Variants in PC observed in about 807,000 individuals in gnomAD.
PC encodes the protein pyruvate carboxylase, mitochondrial.
PC carries 46 observed loss-of-function variants against 107.8 expected under a neutral mutation model. The ratio of observed to expected loss-of-function variants is 0.43; its 90% CI spans 0.34 to 0.55. The LOEUF (loss-of-function observed/expected upper bound fraction) is 0.55. Ranked by LOEUF, PC falls within the 20% of genes least tolerant of loss-of-function variation. The probability of loss-of-function intolerance (pLI) is 0.04; values close to 1 mark genes in which losing one functional copy is unlikely to be tolerated. For missense variants in PC, 1,241 were observed against 1,643.1 expected (o/e 0.76, Z 4.23); for synonymous variants, 662 against 684.7 (o/e 0.97, Z 0.52).
intron 3 of PC, among the ~76,000 whole-genome samples, chr11:66,890,347 G>A (rs1408747831): frequency 6.6e-6 from 1 of 150,686 alleles, no homozygotes; most frequent in Non-Finnish European, 1.5e-5. Context: ...CTATGGTATT[G>A]TGTTATAGCA....
intron 3 of PC, among the ~76,000 whole-genome samples, chr11:66,914,705 G>GC (rs1367338050): frequency 1.3e-5 from 2 of 152,156 alleles, no homozygotes; most frequent in African/African-American, 4.8e-5. Flanking sequence ...AGGCATTTCT[G>GC]CCGTCGCCTC....
Position 66,866,439 on chromosome 11 carries a change from G to A in PC, c.1023-90C>T, listed in dbSNP as rs907151123. The A allele has an allele frequency of 5.2e-6, 5 of 957,398 alleles. No individual in the cohort carries two copies. The highest frequency in any genetic ancestry group is 1.6e-5 in the African/African-American group (1 of 62,236). The allele number at this position is 957,398 out of a possible 1,614,324, so 59.3% of individuals were successfully genotyped here. A position where few individuals can be genotyped will look rare whatever the true frequency, so the allele number is the denominator to read the frequency against. On this transcript the variant is annotated intron_variant, in intron 10 of 22. Transcript: ENST00000393960. The surrounding 1 kb of genome is among the most constrained non-coding windows in gnomAD (Gnocchi z 5.4). The stretch of plus-strand genomic sequence containing the variant: ...GACGAGGGGCACCGCAGCCAGTGGG[G>A]CGTCCACACACAGTGCGACTCCTGC...
intron 3 of PC, among the ~76,000 whole-genome samples, chr11:66,879,991 T>A (rs1456798211): frequency 6.6e-6 from 1 of 152,102 alleles, no homozygotes; most frequent in African/African-American, 2.4e-5. Context: ...ACCGCTGTGG[T>A]CACACAAGAC....
At chr11:66,933,457 C>T (rs956462192) in intron 3 of PC, among the ~76,000 whole-genome samples, 3 of 152,154 alleles carry the variant, frequency 2.0e-5, no homozygotes, top group Admixed American at 2.0e-4. Context: ...CCCACCATCC[C>T]GAAAGATGGT....
intron 3 of PC, among the ~76,000 whole-genome samples, chr11:66,930,568 CCT>C (rs1948821583): frequency 1.3e-5 from 2 of 151,568 alleles, no homozygotes; most frequent in Non-Finnish European, 2.9e-5. Context: ...ATGGCGAAAC[CCT>C]GTCTCTATTA....
intron 3 of PC, among the ~76,000 whole-genome samples, chr11:66,905,309 AG>A (rs1240831439): frequency 2.0e-5 from 3 of 152,222 alleles, no homozygotes; most frequent in African/African-American, 7.2e-5. Context: ...GCCCTTAGCA[AG>A]GGTGCCAACG....
chr11:66,876,572 G>A (rs1377821326), intron 3 of PC, among the ~76,000 whole-genome samples: 2 of 152,214 alleles, frequency 1.3e-5, no homozygotes, highest in Admixed American at 6.5e-5. Flanking sequence ...CAGGTGTGGA[G>A]ACACCCTGCT....
In PC at chr11:66,851,073, C is replaced by A. The variant is rs926210262; in HGVS notation, c.2190G>T (p.Leu730=). 1 of 1,613,216 alleles carries A rather than the reference C, an allele frequency of 6.2e-7. No homozygotes were observed. The highest frequency in any genetic ancestry group is 1.1e-5 in the South Asian group (1 of 91,088). ...LQYYMGLAEE[L]VRAGTHILCI... ...ACAGGATGTGGGTGCCAGCTCGCAC[C>A]AGCTCTTCGGCCAAGCCCATGTAGT... Residue 730 remains leucine (L), a synonymous_variant, in exon 17 of 23, where the codon CTG becomes CTT. Transcript: ENST00000393960.
chr11:66,951,122 G>A (rs1949426555), intron 3 of PC, among the ~76,000 whole-genome samples: 1 of 152,070 alleles, frequency 6.6e-6, no homozygotes, highest in Admixed American at 6.6e-5. Context: ...CGTCATGAAG[G>A]GTCGTCAGAG....
At position 66,871,363 on chromosome 11, in the gene PC, G is replaced by A. The variant is rs529087425; in HGVS notation, c.439C>T (p.Arg147Cys). 20 of 1,613,826 alleles carry A rather than the reference G, an allele frequency of 1.2e-5. No homozygotes were observed. The highest frequency in any genetic ancestry group is 6.6e-5 in the South Asian group (6 of 91,086). ...GCCTCCACCTTGTCTCCCATCTTGC[G>A]GACCACTTCTGGGCTTGGCCCAATA... is the stretch of plus-strand genomic sequence containing the variant. ...RFIGPSPEVV[R>C]KMGDKVEARA... The change falls in exon 6 of 23, where the codon CGC (arginine) becomes TGC (cysteine). Residue 147 changes from arginine (R) to cysteine (C), a missense_variant. Arg to Cys is a radical substitution (Grantham distance 180). Around this residue, in one of 2 missense-constraint regions of PC, gnomAD observed 1,143 missense variants for 1,551.9 expected, o/e 0.74. Transcript: ENST00000393960. This position sits in a 1 kb window ranked among gnomAD's most constrained non-coding sequence, Gnocchi z 7.4.
rs1395925453 is a variant in PC, at chr11:66,852,959, G to T, written c.1514-123C>A. The T allele has an allele frequency of 2.3e-5, 19 of 821,412 alleles. No homozygotes were observed. Among genetic ancestry groups the T allele is most frequent in the Non-Finnish European group, 3.6e-5 (19 of 532,080 alleles). 50.9% of individuals were successfully genotyped at this position (821,412 alleles called of 1,614,324 possible). On this transcript the variant is annotated intron_variant, in intron 13 of 22. Transcript: ENST00000393960. The surrounding 1 kb of genome is among the most constrained non-coding windows in gnomAD (Gnocchi z 4.7). Reference sequence around the variant, plus strand: ...CTCCAGGATCCCCGGGCTTCCAGCTGGCCCCTGTCCTCTCCAAAGCCAGGG... The same window carrying T: ...CTCCAGGATCCCCGGGCTTCCAGCTTGCCCCTGTCCTCTCCAAAGCCAGGG...
chr11:66,912,886 C>T (rs966970092), intron 3 of PC, among the ~76,000 whole-genome samples: 1 of 152,106 alleles, frequency 6.6e-6, no homozygotes, highest in Non-Finnish European at 1.5e-5. Flanking sequence ...TGCCATTTAG[C>T]CCCCTAGTTC....
intron 12 of PC, among the ~76,000 whole-genome samples, chr11:66,853,677 C>T (rs554929442): frequency 4.3e-4 from 65 of 152,198 alleles, no homozygotes; most frequent in Non-Finnish European, 8.5e-4. Flanking sequence ...CCTTTTTCTC[C>T]AGCAGCGTGG....
Position 66,850,059 on chromosome 11 carries a change from A to G in PC, c.2776T>C (p.Leu926=), listed in dbSNP as rs912867186. The change falls in exon 20 of 23, where the codon TTG becomes CTG. Residue 926 remains leucine, a synonymous_variant. Coordinates refer to ENST00000393960, the MANE Select transcript of PC (RefSeq NM_001040716.2). ...TGAGCTTCGGCCTCTGCCCGGCTCA[A>G]TCCATTCTGCACCATAAACTGGGCC... ...DLAQFMVQNG[L]SRAEAEAQAE... is the part of the protein sequence containing the mutation. The G allele has an allele frequency of 9.3e-6, 15 of 1,613,568 alleles. No homozygotes were observed. In the Admixed American group the frequency reaches 1.0e-4, roughly 11 times the overall value.
rs751338921 is a variant in PC, at chr11:66,870,491, A to C, written c.752-38T>G. On this transcript the variant is annotated intron_variant, in intron 8 of 22. Coordinates refer to ENST00000393960, the MANE Select transcript of PC (RefSeq NM_001040716.2). The surrounding 1 kb of genome is among the most constrained non-coding windows in gnomAD (Gnocchi z 6.1). ...GTAAACTGGGCTTAGCTTTTACTGG[A>C]ATCTACACGCCTCCTAAATGCCCCA... The C allele has an allele frequency of 1.2e-6, 2 of 1,605,464 alleles. No homozygotes were observed. Among genetic ancestry groups the C allele is most frequent in the East Asian group, 4.5e-5 (2 of 44,760 alleles).
intron 16 of PC, among the ~76,000 whole-genome samples, chr11:66,851,502 A>G (rs1215105626): frequency 6.6e-6 from 1 of 152,140 alleles, no homozygotes; most frequent in Admixed American, 6.5e-5. Flanking sequence ...GAGGGTACTG[A>G]GCAAGGAGTC....
intron 10 of PC, among the ~76,000 whole-genome samples, chr11:66,867,044 C>T (rs1201128870): frequency 6.6e-6 from 1 of 152,176 alleles, no homozygotes. Flanking sequence ...CTCCTAAGGG[C>T]AGTCACAAGT....
chr11:66,939,426 T>G (rs1949070681), intron 3 of PC, among the ~76,000 whole-genome samples: 2 of 152,144 alleles, frequency 1.3e-5, no homozygotes, highest in Non-Finnish European at 2.9e-5. Flanking sequence ...AAGAAACAAC[T>G]GTGCTATGAA....
chr11:66,854,346 C>T (rs1029156960), intron 12 of PC, among the ~76,000 whole-genome samples: 3 of 152,218 alleles, frequency 2.0e-5, no homozygotes, highest in African/African-American at 7.2e-5. Flanking sequence ...AGCTGACACT[C>T]ACCTTTCCAG....
Sources: gnomAD v4.1 joint callset for allele counts (sites outside exome capture counted in the v4.1 genomes callset) on GRCh38, gnomAD v4.1.1 for gene constraint, gnomAD v4.1.1 regional missense constraint, Gnocchi (gnomAD v3.1) non-coding constraint, MANE v1.5 for transcripts, NCBI Gene and HGNC (gene_info 2026-07-23, HGNC 2026-07-21) for gene names.